UNC5A: variants seen among roughly 807,000 people sequenced by gnomAD.
The protein encoded by UNC5A is netrin receptor UNC5A.
Under a neutral mutation model 87.4 loss-of-function variants are expected in UNC5A, and 20 were observed. The ratio of observed to expected loss-of-function variants is 0.23; its 90% CI spans 0.16 to 0.33. The LOEUF (loss-of-function observed/expected upper bound fraction) is 0.33. UNC5A is among the 10% of genes least tolerant of loss of function. The probability of loss-of-function intolerance (pLI) is 1.00; values close to 1 mark genes in which losing one functional copy is unlikely to be tolerated. For missense variants in UNC5A, 844 were observed against 1,133.4 expected (o/e 0.74, Z 3.67); for synonymous variants, 438 against 482.3 (o/e 0.91, Z 1.20).
intron 1 of UNC5A, among the ~76,000 whole-genome samples, chr5:176,830,239 A>G (rs964576709): frequency 2.0e-5 from 3 of 151,846 alleles, no homozygotes; most frequent in African/African-American, 7.3e-5. Context: ...GGGACCCTCT[A>G]CTCCCTTCCC....
chr5:176,826,197 G>A (rs771697889), intron 1 of UNC5A, among the ~76,000 whole-genome samples: 6 of 152,242 alleles, frequency 3.9e-5, no homozygotes, highest in Non-Finnish European at 8.8e-5. Context: ...TTAGCTGGTC[G>A]GAGGGGGCCT....
chr5:176,861,054 C>A (rs1299539695), intron 1 of UNC5A, among the ~76,000 whole-genome samples: 4 of 152,308 alleles, frequency 2.6e-5, no homozygotes, highest in Non-Finnish European at 5.9e-5. Flanking sequence ...AGCTGTTGCA[C>A]CCCTCAGCTC....
chr5:176,877,845 C>T, intron 10 of UNC5A, 49 bp from the exon 11 acceptor site: 1 of 1,556,812 alleles, frequency 6.4e-7, no homozygotes, highest in South Asian at 1.2e-5. Flanking sequence ...ACAGCTGGCC[C>T]TAGGGCTCTG....
chr5:176,860,808 A>G (rs1227538622), intron 1 of UNC5A, among the ~76,000 whole-genome samples: 1 of 152,214 alleles, frequency 6.6e-6, no homozygotes, highest in African/African-American at 2.4e-5. Flanking sequence ...CTTGGTGTCC[A>G]TAACAGAGCT....
chr5:176,871,226 A>C (rs1266536590), intron 6 of UNC5A, among the ~76,000 whole-genome samples: 1 of 2,056 alleles, frequency 4.9e-4, no homozygotes, highest in Non-Finnish European at 1.1e-3. Flanking sequence ...GCCCACGCTC[A>C]CCAACACCAC....
At chr5:176,827,392 A>G (rs1217748647) in intron 1 of UNC5A, among the ~76,000 whole-genome samples, 1 of 151,984 alleles carries the variant, frequency 6.6e-6, no homozygotes, top group Non-Finnish European at 1.5e-5. Flanking sequence ...CATGTTGGCC[A>G]GGCTGATCTC....
chr5:176,864,796 G>A (rs947622232), intron 2 of UNC5A: 1 of 455,830 alleles, frequency 2.2e-6, no homozygotes, highest in Non-Finnish European at 4.4e-6. Flanking sequence ...CAGTGATCCA[G>A]CTCTACCTCC....
In UNC5A at chr5:176,822,823, C is replaced by T. The variant is rs138111671; in HGVS notation, c.70+12003C>T. ...GAGGGGAGGAGAAGGAGTGGACAGG[C>T]AATCCCAGTGGCAGCCTGTGTACAG... On this transcript the variant is annotated intron_variant, in intron 1 of 14. Coordinates refer to ENST00000329542, the MANE Select transcript of UNC5A (RefSeq NM_133369.3). Among the ~76,000 whole-genome samples the T allele has an allele frequency of 3.0e-3, 461 of 152,326 alleles. 1 individual carries two copies. The highest frequency in any genetic ancestry group is 6.8e-3 in the Middle Eastern group (2 of 294).
intron 1 of UNC5A, among the ~76,000 whole-genome samples, chr5:176,837,212 C>T (rs1757168240): frequency 6.6e-6 from 1 of 152,164 alleles, no homozygotes; most frequent in African/African-American, 2.4e-5. Flanking sequence ...ACAGTGCCAA[C>T]TTCTGTCTCC....
Position 176,874,177 on chromosome 5 carries a change from A to G in UNC5A, c.1075+21A>G. 1 of 1,610,026 alleles carries G rather than the reference A, an allele frequency of 6.2e-7. No individual in the cohort carries two copies. Among genetic ancestry groups the G allele is most frequent in the Non-Finnish European group, 8.5e-7 (1 of 1,177,036 alleles). ...AGCAGGTGAGGGGCCCCGTGCCCCCAGCACTCCTGCCCCAGCTCCCACGCC... is the reference window on the plus strand; with the variant it reads ...AGCAGGTGAGGGGCCCCGTGCCCCCGGCACTCCTGCCCCAGCTCCCACGCC... On this transcript the variant is annotated intron_variant, in intron 7 of 14. Transcript: ENST00000329542. This position sits in a 1 kb window ranked among gnomAD's most constrained non-coding sequence, Gnocchi z 7.6.
In UNC5A at chr5:176,848,905, G is replaced by A. The variant is rs1049330516; in HGVS notation, c.71-13719G>A. Among the ~76,000 whole-genome samples the A allele has an allele frequency of 6.6e-6, 1 of 152,242 alleles. No homozygotes were observed. The highest frequency in any genetic ancestry group is 1.5e-5 in the Non-Finnish European group (1 of 68,036). On this transcript the variant is annotated intron_variant, in intron 1 of 14. Transcript: ENST00000329542. The surrounding 1 kb of genome is among the most constrained non-coding windows in gnomAD (Gnocchi z 5.8). ...GCTGAGAGGACACCTGGTGCTGACA[G>A]GTACATCCTGCTACCCGCCCAGGTA... is the stretch of plus-strand genomic sequence containing the variant.
intron 1 of UNC5A, among the ~76,000 whole-genome samples, chr5:176,829,631 T>C (rs1442240300): frequency 6.6e-6 from 1 of 151,598 alleles, no homozygotes; most frequent in African/African-American, 2.4e-5. Flanking sequence ...GGTGGATGGA[T>C]GGGTAGATAG....
chr5:176,827,462 T>C (rs981108213), intron 1 of UNC5A, among the ~76,000 whole-genome samples: 8 of 152,090 alleles, frequency 5.3e-5, no homozygotes, highest in African/African-American at 1.9e-4. Context: ...GGATTACAGG[T>C]GTGAGCCACC....
At position 176,879,366 on chromosome 5, in the gene UNC5A, G is replaced by A. The variant is rs149662235; in HGVS notation, c.2241G>A (p.Leu747=). The A allele has an allele frequency of 6.2e-7, 1 of 1,612,940 alleles. No individual in the cohort carries two copies. The highest frequency in any genetic ancestry group is 8.5e-7 in the Non-Finnish European group (1 of 1,179,766). Residue 747 remains leucine, a synonymous_variant, in exon 14 of 15, where the codon CTG becomes CTA. Coordinates refer to ENST00000329542, the MANE Select transcript of UNC5A (RefSeq NM_133369.3). ...ALESEAGVPA[L]VGPSAFKIPF... is the part of the protein sequence containing the mutation. ...AGAGTGAAGCGGGGGTCCCAGCCCT[G>A]GTGGGCCCCAGTGCCTTCAAGATCC...
rs190029258 is a variant in UNC5A, at chr5:176,841,724, A to G, written c.71-20900A>G. Among the ~76,000 whole-genome samples the G allele has an allele frequency of 6.6e-6, 1 of 152,338 alleles. No individual in the cohort carries two copies. The highest frequency in any genetic ancestry group is 2.4e-5 in the African/African-American group (1 of 41,586). On this transcript the variant is annotated intron_variant, in intron 1 of 14. Transcript: ENST00000329542. The surrounding 1 kb of genome is among the most constrained non-coding windows in gnomAD (Gnocchi z 4.1). ...GAGAAGTAAAGATATATGTCCACCA[A>G]AGACCTGTCTGTGAAAGCTCTTAGC...
rs140133275 is a variant in UNC5A at position 176,878,115 on chromosome 5, C to T, written c.1857C>T (p.His619=). The part of the protein sequence containing the change: ...NIRVYCLHDT[H]DALKEVVQLE... ...GGGTCTACTGCCTGCATGACACCCA[C>T]GATGCACTCAAGGTATCTCCCGCCC... Residue 619 remains histidine, a synonymous_variant, in exon 11 of 15, where the codon CAC becomes CAT. Transcript: ENST00000329542. The T allele has an allele frequency of 2.5e-5, 41 of 1,608,722 alleles. No homozygotes were observed. The African/African-American group carries it at 3.2e-4, about 13-fold the overall frequency.
At chr5:176,872,272 C>A (rs1758136984) in intron 6 of UNC5A, among the ~76,000 whole-genome samples, 1 of 26,468 alleles carries the variant, frequency 3.8e-5, no homozygotes, top group Non-Finnish European at 1.1e-4. Flanking sequence ...CCCATCTGCC[C>A]ACACTCGCCC....
chr5:176,864,844 G>A (rs1370391550), intron 2 of UNC5A: 3 of 456,066 alleles, frequency 6.6e-6, no homozygotes, highest in South Asian at 4.6e-5. Flanking sequence ...GGCGGCCAAT[G>A]TAGCCCAACA....
rs1756809837 is a variant in UNC5A at position 176,824,641 on chromosome 5, G to A, written c.70+13821G>A. On this transcript the variant is annotated intron_variant, in intron 1 of 14. Transcript: ENST00000329542. The surrounding 1 kb of genome is among the most constrained non-coding windows in gnomAD (Gnocchi z 4.2). ...TGAAAAAGCAAAAGATCTGGGCTGG[G>A]CCCAGCAAGCCCATTTTCCTGGGTG... Among the ~76,000 whole-genome samples, 1 of 152,162 alleles carries A rather than the reference G, an allele frequency of 6.6e-6. No homozygotes were observed. The highest frequency in any genetic ancestry group is 1.5e-5 in the Non-Finnish European group (1 of 68,010).
Sources: gnomAD v4.1 joint callset for allele counts (sites outside exome capture counted in the v4.1 genomes callset) on GRCh38, gnomAD v4.1.1 for gene constraint, Gnocchi (gnomAD v3.1) non-coding constraint, MANE v1.5 for transcripts, NCBI Gene and HGNC (gene_info 2026-07-23, HGNC 2026-07-21) for gene names.